Variants in CFAP92 observed in about 807,000 individuals in gnomAD.
The protein encoded by CFAP92 is cilia and flagella associated protein 92 (putative).
A neutral mutation model predicts 106.3 loss-of-function variants in CFAP92; 86 were observed. The observed-to-expected ratio is 0.81, with a 90% CI of 0.68 to 0.97. The LOEUF (loss-of-function observed/expected upper bound fraction) is 0.97, where lower values mean the gene tolerates loss of function less well. CFAP92 is among the 50% of genes least tolerant of loss of function. CFAP92 has a pLI of 0.00. For synonymous variants in CFAP92, 477 were observed against 506.4 expected, an observed-to-expected ratio of 0.94 and a Z score of 0.78; for missense variants, 1,204 against 1,283.8, an observed-to-expected ratio of 0.94 and a Z score of 0.95.
At chr3:128,996,280 CT>C (rs1944477837), upstream of CFAP92, among the ~76,000 whole-genome samples, 1 of 152,220 alleles carries the variant, frequency 6.6e-6, no homozygotes, top group African/African-American at 2.4e-5. Flanking sequence ...CAGAAACAAG[CT>C]GTCTCCATCA....
chr3:129,008,437 G>C, the CFAP92 span, among the ~76,000 whole-genome samples: 4 of 152,176 alleles, frequency 2.6e-5, no homozygotes, highest in Non-Finnish European at 5.9e-5. Context: ...ATTTTATCCA[G>C]CATTTCAACA....
Position 128,983,087 on chromosome 3 carries a change from A to C in CFAP92, c.667+4529T>G, listed in dbSNP as rs141413518. Among the ~76,000 whole-genome samples, 97 of 152,376 alleles carry C rather than the reference A, an allele frequency of 6.4e-4. 1 individual carries two copies. Among genetic ancestry groups the C allele is most frequent in the African/African-American group, 2.2e-3 (93 of 41,592 alleles). On this transcript the variant is annotated intron_variant, in intron 4 of 15. Transcript: ENST00000645291. The stretch of plus-strand genomic sequence containing the variant: ...CACAAACCTCCAATTTGGAAAACGC[A>C]TGATCTCTGTGAAGCCCAATAAGGC...
chr3:128,932,677 A>C, intron 12 of CFAP92, 23 bp downstream of exon 12: 1 of 1,519,164 alleles, frequency 6.6e-7, no homozygotes, highest in Non-Finnish European at 8.8e-7. Flanking sequence ...GGGAACCCCA[A>C]GTTGGGGAGG....
chr3:128,929,149 C>T (rs906135526), intron 12 of CFAP92, among the ~76,000 whole-genome samples: 3 of 152,194 alleles, frequency 2.0e-5, no homozygotes, highest in East Asian at 1.9e-4. Flanking sequence ...ATCAAAGAAG[C>T]GTTATAAATT....
At chr3:128,946,773 C>T (rs1028824863) in intron 9 of CFAP92, among the ~76,000 whole-genome samples, 5 of 151,778 alleles carry the variant, frequency 3.3e-5, no homozygotes, top group African/African-American at 7.3e-5. Context: ...CCATTGAACA[C>T]GAGATCATGG....
intron 12 of CFAP92, among the ~76,000 whole-genome samples, chr3:128,916,650 A>G (rs1479634748): frequency 6.6e-6 from 1 of 152,244 alleles, no homozygotes; most frequent in Non-Finnish European, 1.5e-5. Flanking sequence ...ATCCTTGACC[A>G]TGGTTAACTG....
chr3:128,985,676 C>T (rs1367595579), intron 4 of CFAP92, among the ~76,000 whole-genome samples: 1 of 152,222 alleles, frequency 6.6e-6, no homozygotes, highest in African/African-American at 2.4e-5. Flanking sequence ...CAGATCCAAA[C>T]AGGCCTGGAA....
intron 12 of CFAP92, among the ~76,000 whole-genome samples, chr3:128,925,525 T>C (rs1270170513): frequency 1.3e-5 from 2 of 152,094 alleles, no homozygotes; most frequent in East Asian, 3.8e-4. Context: ...AAAAAAAGAC[T>C]GTAAAATAAA....
chr3:129,008,036 C>T, the CFAP92 span, among the ~76,000 whole-genome samples: 1 of 152,228 alleles, frequency 6.6e-6, no homozygotes, highest in African/African-American at 2.4e-5. Flanking sequence ...GGCCATGATC[C>T]TTGAGAGTCA....
chr3:128,929,294 C>A (rs1161097281), intron 12 of CFAP92, among the ~76,000 whole-genome samples: 1 of 152,116 alleles, frequency 6.6e-6, no homozygotes, highest in African/African-American at 2.4e-5. Context: ...GAAACTAGAA[C>A]CCTCATGCAT....
chr3:128,983,388 C>T (rs1943649167), intron 4 of CFAP92, among the ~76,000 whole-genome samples: 1 of 152,158 alleles, frequency 6.6e-6, no homozygotes, highest in Non-Finnish European at 1.5e-5. Flanking sequence ...TAACATTCCC[C>T]ATCTCACAGA....
intron 15 of CFAP92, chr3:128,913,017 T>C (rs1206016178): frequency 1.1e-5 from 5 of 458,868 alleles, no homozygotes; most frequent in Non-Finnish European, 2.2e-5. Flanking sequence ...GAAAGCTCTG[T>C]CTGGGTCATT....
At chr3:128,943,804 TG>T (rs1173095439) in intron 10 of CFAP92, among the ~76,000 whole-genome samples, 1 of 152,110 alleles carries the variant, frequency 6.6e-6, no homozygotes, top group African/African-American at 2.4e-5. Flanking sequence ...CCCAAAGTGC[TG>T]GGATAACAGG....
At chr3:128,995,297 T>C (rs17258674), upstream of CFAP92, among the ~76,000 whole-genome samples, 3,888 of 152,194 alleles carry the variant, frequency 0.026, 74 homozygotes, top group Non-Finnish European at 0.035. Flanking sequence ...GCTCCAATAC[T>C]CCTCGGGTTC....
intron 9 of CFAP92, among the ~76,000 whole-genome samples, chr3:128,953,496 C>G (rs57704197): frequency 0.6 from 90,829 of 151,242 alleles, 29,796 homozygotes; most frequent in African/African-American, 0.88. Flanking sequence ...GCCAGGGCGA[C>G]AGAGCAAGAC....
chr3:128,938,013 G>A (rs1472535432), intron 10 of CFAP92, among the ~76,000 whole-genome samples: 6 of 151,986 alleles, frequency 3.9e-5, no homozygotes, highest in Admixed American at 1.3e-4. Context: ...GCAGTGAGCC[G>A]AGATCGCACC....
intron 4 of CFAP92, among the ~76,000 whole-genome samples, chr3:128,981,335 CTTGTT>C (rs1314328288): frequency 6.7e-6 from 1 of 149,782 alleles, no homozygotes; most frequent in African/African-American, 2.5e-5. Context: ...CGCGCCTGGC[CTTGTT>C]TTGTTTTTGA....
At position 128,932,856 on chromosome 3, in the gene CFAP92, C is replaced by CA. The variant is rs1174272146; in HGVS notation, c.2594dup (p.Phe866ValfsTer12). On this transcript the variant is annotated frameshift_variant, in exon 12 of 16. Coordinates refer to ENST00000645291, the MANE Select transcript of CFAP92 (RefSeq NM_001394090.1). LOFTEE classifies it high-confidence loss of function. ...GGGCAGGCTGAGGTGGTAGGGCAAA[C>CA]AGTTTCTCATCTGTGAGTTCTTCTT... 1 of 1,536,096 alleles carries CA rather than the reference C, an allele frequency of 6.5e-7. No homozygotes were observed. The highest frequency in any genetic ancestry group is 1.4e-5 in the African/African-American group (1 of 73,040).
intron 9 of CFAP92, among the ~76,000 whole-genome samples, chr3:128,953,684 T>G (rs1319521375): frequency 8.0e-6 from 1 of 125,692 alleles, no homozygotes; most frequent in Non-Finnish European, 1.6e-5. Flanking sequence ...TGGACTGTAC[T>G]GCTGCCATCT....
Sources: allele counts gnomAD v4.1 joint callset (sites outside exome capture counted in the v4.1 genomes callset), GRCh38; gene constraint gnomAD v4.1.1; transcripts MANE v1.5; gene names NCBI Gene and HGNC (gene_info 2026-07-23, HGNC 2026-07-21).